TNFAIP2: variants seen among roughly 807,000 people sequenced by gnomAD.
The protein encoded by TNFAIP2 is tumor necrosis factor alpha-induced protein 2.
TNFAIP2 carries 47 observed loss-of-function variants against 63.5 expected under a neutral mutation model. The ratio of observed to expected loss-of-function variants is 0.74; its 90% CI spans 0.59 to 0.94. TNFAIP2 has a LOEUF of 0.94. Ranked by LOEUF, TNFAIP2 falls within the 40% of genes least tolerant of loss-of-function variation. The pLI, the probability that TNFAIP2 is intolerant of heterozygous loss-of-function variation, is 0.00. For missense variants in TNFAIP2, 787 were observed against 850.2 expected (o/e 0.93, Z 0.92); for synonymous variants, 405 against 390.2 (o/e 1.04, Z -0.45).
At position 103,131,595 on chromosome 14, in the gene TNFAIP2, A is replaced by T; in HGVS notation, c.1299-44A>T. On this transcript the variant is annotated intron_variant, in intron 7 of 11. Coordinates refer to ENST00000560869, the MANE Select transcript of TNFAIP2 (RefSeq NM_006291.4). This position sits in a 1 kb window ranked among gnomAD's most constrained non-coding sequence, Gnocchi z 4.0. Reference sequence around the variant, plus strand: ...TCTGGCTCCCTGGGTATGGGGCTATAGGCTGAGCAGGGCTGGGGTGACCTC... The same window carrying T: ...TCTGGCTCCCTGGGTATGGGGCTATTGGCTGAGCAGGGCTGGGGTGACCTC... The T allele has an allele frequency of 6.4e-7, 1 of 1,554,892 alleles. No individual in the cohort carries two copies. Among genetic ancestry groups the T allele is most frequent in the Non-Finnish European group, 8.7e-7 (1 of 1,154,726 alleles).
At chr14:103,130,953 A>T (rs1428146167) in intron 6 of TNFAIP2, 99 bp from the exon 7 acceptor site, 9 of 1,301,214 alleles carry the variant, frequency 6.9e-6, no homozygotes, top group Non-Finnish European at 9.8e-6. Context: ...AGCCAAACAG[A>T]AAAGTGAACC....
chr14:103,129,527 C>A (rs1365314997), intron 3 of TNFAIP2, among the ~76,000 whole-genome samples: 1 of 151,054 alleles, frequency 6.6e-6, no homozygotes, highest in Non-Finnish European at 1.5e-5. Context: ...GTGAGAGAGT[C>A]AGAGGAGGCA....
rs2088105471 is a variant in TNFAIP2 at position 103,136,944 on chromosome 14, A to T, written c.*1584A>T. 6.6e-6 allele frequency: 1 copy of T among 152,188 alleles called. No individual in the cohort carries two copies. The highest frequency in any genetic ancestry group is 1.5e-5 in the Non-Finnish European group (1 of 68,036). 9.4% of individuals were successfully genotyped at this position (152,188 alleles called of 1,614,324 possible). On this transcript the variant is annotated 3_prime_UTR_variant, in exon 12 of 12. Coordinates refer to ENST00000560869, the MANE Select transcript of TNFAIP2 (RefSeq NM_006291.4). ...TAGTTCCCACTGGCTGTGTAACCTA[A>T]CATAGTCACAGGCTCTGGGGACTGT...
chr14:103,126,656 G>A lies in TNFAIP2; in HGVS notation c.199G>A (p.Gly67Arg), dbSNP rs1007815002. 3.2e-6 allele frequency: 5 copies of A among 1,556,188 alleles called. No individual in the cohort carries two copies. The African/African-American group carries it at 5.4e-5, about 17-fold the overall frequency. The stretch of plus-strand genomic sequence containing the variant: ...CTCAGCGGAGCCCGAGGACGCAGCC[G>A]GGTCCAGGCAGGGGCTGGATGGCCC... ...PSSAEPEDAA[G>R]SRQGLDGPPP... The change falls in exon 2 of 12, where the codon GGG becomes AGG. Residue 67 changes from glycine to arginine, a missense_variant. Gly to Arg is a moderately radical substitution (Grantham distance 125). Around this residue, in one of 3 missense-constraint regions of TNFAIP2, gnomAD observed 258 missense variants for 228.9 expected, o/e 1.13. Transcript: ENST00000560869.
In TNFAIP2 at chr14:103,137,042, C is replaced by T. The variant is rs1300886194; in HGVS notation, c.*1682C>T. The T allele has an allele frequency of 6.6e-6, 1 of 152,354 alleles. No homozygotes were observed. The highest frequency in any genetic ancestry group is 2.4e-5 in the African/African-American group (1 of 41,466). 9.4% of individuals were successfully genotyped at this position (152,354 alleles called of 1,614,324 possible). A position where few individuals can be genotyped will look rare whatever the true frequency, so the allele number is the denominator to read the frequency against. On this transcript the variant is annotated 3_prime_UTR_variant, in exon 12 of 12. Transcript: ENST00000560869. ...GTTCATCCCCTGCCCTGCCGGGCAC[C>T]TCGCTCTACCCCAGGAAAATGTGAG... is the stretch of plus-strand genomic sequence containing the variant.
intron 11 of TNFAIP2, among the ~76,000 whole-genome samples, chr14:103,134,370 C>T (rs1028617317): frequency 2.0e-5 from 3 of 152,204 alleles, no homozygotes; most frequent in African/African-American, 7.2e-5. Context: ...ACCCACCATA[C>T]AAGCACCCAT....
rs1238741197 is a variant in TNFAIP2, at chr14:103,127,122, T to C, written c.353T>C (p.Leu118Pro). The change falls in exon 3 of 12, where the codon CTG becomes CCG. Residue 118 changes from leucine (L) to proline (P), a missense_variant. By Grantham distance (98) the Leu-to-Pro change is moderately conservative (BLOSUM62 -3). Around this residue, in one of 3 missense-constraint regions of TNFAIP2, gnomAD observed 258 missense variants for 228.9 expected, o/e 1.13. Transcript: ENST00000560869. This position sits in a 1 kb window ranked among gnomAD's most constrained non-coding sequence, Gnocchi z 5.1. ...AAAGGVSEEE[L>P]VRRQSKVEAL... The stretch of plus-strand genomic sequence containing the variant: ...GCGGGCGGTGTGAGCGAGGAGGAGC[T>C]GGTGCGGCGCCAGAGCAAGGTGGAG... 1 of 1,098,808 alleles carries C rather than the reference T, an allele frequency of 9.1e-7. No homozygotes were observed. The allele number at this position is 1,098,808 out of a possible 1,614,324, so 68.1% of individuals were successfully genotyped here.
At position 103,130,416 on chromosome 14, in the gene TNFAIP2, G is replaced by T; in HGVS notation, c.1199+1G>T. 6.4e-7 allele frequency: 1 copy of T among 1,557,734 alleles called. No individual in the cohort carries two copies. Among genetic ancestry groups the T allele is most frequent in the Non-Finnish European group, 8.7e-7 (1 of 1,150,886 alleles). ...TGGAGCTGCCTGCGTTCCTGAGGAGGTGGGTGTGTGCCCAGGATGGGGTCC... is the reference window on the plus strand; with the variant it reads ...TGGAGCTGCCTGCGTTCCTGAGGAGTTGGGTGTGTGCCCAGGATGGGGTCC... On this transcript the variant is annotated splice_donor_variant, in intron 6 of 11. Coordinates refer to ENST00000560869, the MANE Select transcript of TNFAIP2 (RefSeq NM_006291.4). LOFTEE classifies it high-confidence loss of function.
rs1355348860 is a variant in TNFAIP2, at chr14:103,135,291, C to G, written c.1896C>G (p.Ser632Arg). 1 of 1,613,942 alleles carries G rather than the reference C, an allele frequency of 6.2e-7. No homozygotes were observed. Among genetic ancestry groups the G allele is most frequent in the Non-Finnish European group, 8.5e-7 (1 of 1,179,966 alleles). The change falls in exon 12 of 12, where the codon AGC (serine) becomes AGG (arginine). Residue 632 changes from serine to arginine, a missense_variant. By Grantham distance (110) the Ser-to-Arg change is moderately radical (BLOSUM62 -1). Transcript: ENST00000560869. This position sits in a 1 kb window ranked among gnomAD's most constrained non-coding sequence, Gnocchi z 7.6. ...ACAGTGAGGTCAAGCGCATCCGGAGCATCTTGGACGTCAGCATGGGGGCGC... is the reference window on the plus strand; with the variant it reads ...ACAGTGAGGTCAAGCGCATCCGGAGGATCTTGGACGTCAGCATGGGGGCGC... ...LSNSEVKRIR[S>R]ILDVSMGAQE...
Position 103,126,751 on chromosome 14 carries a change from C to T in TNFAIP2, c.235+59C>T, listed in dbSNP as rs139040726. The T allele has an allele frequency of 3.6e-4, 538 of 1,495,764 alleles. 1 individual carries two copies. In the African/African-American group the frequency reaches 6.3e-3, roughly 18 times the overall value. 92.7% of individuals were successfully genotyped at this position (1,495,764 alleles called of 1,614,324 possible). A position where few individuals can be genotyped will look rare whatever the true frequency, so the allele number is the denominator to read the frequency against. ...GGCCTGGACGGGGTTGGCGCTCATCCGCGTGAGTGAGCCACTTGCACAGTG... is the reference window on the plus strand; with the variant it reads ...GGCCTGGACGGGGTTGGCGCTCATCTGCGTGAGTGAGCCACTTGCACAGTG... On this transcript the variant is annotated intron_variant, in intron 2 of 11. Transcript: ENST00000560869.
rs973046504 is a variant in TNFAIP2 at position 103,135,660 on chromosome 14, A to T, written c.*300A>T. ...ACGCAAGGAAAGAACCAGGAGGGAG[A>T]GTGCAGCCAGGCTCAGGGATCCCCG... On this transcript the variant is annotated 3_prime_UTR_variant, in exon 12 of 12. Coordinates refer to ENST00000560869, the MANE Select transcript of TNFAIP2 (RefSeq NM_006291.4). The surrounding 1 kb of genome is among the most constrained non-coding windows in gnomAD (Gnocchi z 7.6). The T allele has an allele frequency of 7.9e-7, 1 of 1,273,366 alleles. No individual in the cohort carries two copies. Among genetic ancestry groups the T allele is most frequent in the Non-Finnish European group, 1.0e-6 (1 of 997,412 alleles). 78.9% of individuals were successfully genotyped at this position (1,273,366 alleles called of 1,614,324 possible). A position where few individuals can be genotyped will look rare whatever the true frequency, so the allele number is the denominator to read the frequency against.
chr14:103,130,085 C>T lies in TNFAIP2; in HGVS notation c.1059C>T (p.Asp353=), dbSNP rs556129474. Residue 353 remains aspartate, a synonymous_variant, in exon 5 of 12, where the codon GAC becomes GAT. Coordinates refer to ENST00000560869, the MANE Select transcript of TNFAIP2 (RefSeq NM_006291.4). ...WAEDVPPQRL[D]GHCHSELAID... ...AGGATGTGCCTCCCCAGAGGCTGGA[C>T]GGCCACTGCCACAGCGAGCTGGCCA... 102 of 1,613,278 alleles carry T rather than the reference C, an allele frequency of 6.3e-5. No individual in the cohort carries two copies. Among genetic ancestry groups the T allele is most frequent in the East Asian group, 4.2e-4 (19 of 44,868 alleles).
At chr14:103,126,255 TG>T (rs2087849562) in intron 1 of TNFAIP2, 54 bp from the exon 2 acceptor site, 1 of 532,920 alleles carries the variant, frequency 1.9e-6, no homozygotes, top group Non-Finnish European at 3.4e-6. Flanking sequence ...GTGTCCAGCC[TG>T]GGAGCCAGGG....
intron 11 of TNFAIP2, among the ~76,000 whole-genome samples, chr14:103,134,947 A>G (rs1487085022): frequency 6.6e-6 from 1 of 152,194 alleles, no homozygotes; most frequent in Non-Finnish European, 1.5e-5. Flanking sequence ...TGGACATCTT[A>G]GCGGAGACCT....
In TNFAIP2 at chr14:103,135,397, C is replaced by T. The variant is rs1435013160; in HGVS notation, c.*37C>T. 1 of 1,571,700 alleles carries T rather than the reference C, an allele frequency of 6.4e-7. No individual in the cohort carries two copies. The highest frequency in any genetic ancestry group is 1.2e-5 in the South Asian group (1 of 83,658). On this transcript the variant is annotated 3_prime_UTR_variant, in exon 12 of 12. Coordinates refer to ENST00000560869, the MANE Select transcript of TNFAIP2 (RefSeq NM_006291.4). This position sits in a 1 kb window ranked among gnomAD's most constrained non-coding sequence, Gnocchi z 7.6. ...GCCTGACCTGCCTGTGAGTGCCCAG[C>T]AAGCCTTGGGCACACCCCGCTGGGA...
rs757555890 is a variant in TNFAIP2 at position 103,135,172 on chromosome 14, AGG to A, written c.1824-44_1824-43del. 5 of 1,612,114 alleles carry A rather than the reference AGG, an allele frequency of 3.1e-6. No individual in the cohort carries two copies. In the African/African-American group the frequency reaches 6.7e-5, roughly 22 times the overall value. On this transcript the variant is annotated intron_variant, in intron 11 of 11. Coordinates refer to ENST00000560869, the MANE Select transcript of TNFAIP2 (RefSeq NM_006291.4). The surrounding 1 kb of genome is among the most constrained non-coding windows in gnomAD (Gnocchi z 7.6). ...CCGGGAGTGCAGGGAGCTGGTGAGT[AGG>A]GGTGTGGGTGACAGGCTGGGCTGAC...
rs1383172335 is a variant in TNFAIP2, at chr14:103,136,486, A to C, written c.*1126A>C. On this transcript the variant is annotated 3_prime_UTR_variant, in exon 12 of 12. Transcript: ENST00000560869. Reference sequence around the variant, plus strand: ...AGTTGAATCTTTTTCCCGTCACCTCATTGAGGCCTCCCCTCTCCTGCCTCC... The same window carrying C: ...AGTTGAATCTTTTTCCCGTCACCTCCTTGAGGCCTCCCCTCTCCTGCCTCC... 2 of 149,568 alleles carry C rather than the reference A, an allele frequency of 1.3e-5. No homozygotes were observed. The highest frequency in any genetic ancestry group is 6.7e-5 in the Admixed American group (1 of 14,982). 9.3% of individuals were successfully genotyped at this position (149,568 alleles called of 1,614,324 possible). A position where few individuals can be genotyped will look rare whatever the true frequency, so the allele number is the denominator to read the frequency against.
upstream of TNFAIP2, chr14:103,122,926 CGCGCGGCCAGCACTCTG>C (rs1324216673): frequency 2.4e-6 from 1 of 421,102 alleles, no homozygotes; most frequent in Non-Finnish European, 4.8e-6. Flanking sequence ...TGTGCACAGC[CGCGCGGCCAGCACTCTG>C]GCCAGCCTTG....
At chr14:103,130,488 G>T in intron 6 of TNFAIP2, 73 bp downstream of exon 6, 1 of 1,405,150 alleles carries the variant, frequency 7.1e-7, no homozygotes, top group South Asian at 1.2e-5. Flanking sequence ...AGTGCCTCAG[G>T]TGGGGAGCTG....
Sources: allele counts gnomAD v4.1 joint callset (sites outside exome capture counted in the v4.1 genomes callset), GRCh38; gene constraint gnomAD v4.1.1; regional missense constraint gnomAD v4.1.1; non-coding constraint Gnocchi (gnomAD v3.1); transcripts MANE v1.5; gene names NCBI Gene and HGNC (gene_info 2026-07-23, HGNC 2026-07-21).